The following TDRD3 variants were observed in gnomAD, a reference collection of about 807,000 sequenced individuals.
The protein encoded by TDRD3 is tudor domain containing 3.
In TDRD3, 45 loss-of-function variants were observed where a neutral mutation model predicts 86.7. That is an observed-to-expected ratio of 0.52 (90% CI 0.41 to 0.67). The LOEUF (loss-of-function observed/expected upper bound fraction) is 0.67, where lower values mean the gene tolerates loss of function less well. Among genes scored for constraint, TDRD3 ranks in the 30% least tolerant of loss-of-function variants. The pLI, the probability that TDRD3 is intolerant of heterozygous loss-of-function variation, is 0.00. For missense variants in TDRD3, 814 were observed against 889.0 expected (o/e 0.92, Z 1.07); for synonymous variants, 298 against 301.7 (o/e 0.99, Z 0.13).
At chr13:60,479,050 G>A (rs112649823) in intron 5 of TDRD3, among the ~76,000 whole-genome samples, 17,034 of 151,824 alleles carry the variant, frequency 0.11, 1,289 homozygotes, top group African/African-American at 0.21. Flanking sequence ...CAAGTGATCT[G>A]ACTGCCTTGG....
intron 1 of TDRD3, among the ~76,000 whole-genome samples, chr13:60,404,209 T>G (rs1425864682): frequency 6.6e-6 from 1 of 150,714 alleles, no homozygotes; most frequent in Non-Finnish European, 1.5e-5. Context: ...TTTCTTTAAA[T>G]ATTGTGTCTT....
intron 3 of TDRD3, among the ~76,000 whole-genome samples, chr13:60,457,086 C>T (rs1157192990): frequency 6.6e-6 from 1 of 152,072 alleles, no homozygotes; most frequent in East Asian, 1.9e-4. Flanking sequence ...TCCATTACTT[C>T]CCTATGTTTT....
At chr13:60,512,838 T>G (rs1388552788) in intron 10 of TDRD3, among the ~76,000 whole-genome samples, 1 of 152,140 alleles carries the variant, frequency 6.6e-6, no homozygotes, top group African/African-American at 2.4e-5. Context: ...GCGAGGAGTG[T>G]CTGTGGCTTT....
intron 10 of TDRD3, among the ~76,000 whole-genome samples, chr13:60,518,925 C>T (rs1381980034): frequency 6.6e-6 from 1 of 152,114 alleles, no homozygotes; most frequent in Non-Finnish European, 1.5e-5. Flanking sequence ...TCCTAATATA[C>T]TTTGCTGTGA....
At chr13:60,461,650 A>G (rs148223724) in intron 4 of TDRD3, among the ~76,000 whole-genome samples, 237 of 152,290 alleles carry the variant, frequency 1.6e-3, no homozygotes, top group African/African-American at 5.4e-3. Context: ...CAGCCCTTTA[A>G]TCCAGTGCTG....
chr13:60,465,271 T>C (rs1594967782), intron 4 of TDRD3, among the ~76,000 whole-genome samples: 1 of 152,262 alleles, frequency 6.6e-6, no homozygotes, highest in African/African-American at 2.4e-5. Context: ...CTGGTGTCCT[T>C]GGTGCTTATT....
At position 60,451,524 on chromosome 13, in the gene TDRD3, G is replaced by A. The variant is rs185996311; in HGVS notation, c.192+6776G>A. Among the ~76,000 whole-genome samples, 4 of 152,232 alleles carry A rather than the reference G, an allele frequency of 2.6e-5. No homozygotes were observed. The East Asian group carries it at 7.7e-4, about 29-fold the overall frequency. ...CGGTTGTGGTTGGCCATGGAAATTG[G>A]CACAAATTACAGATTACAGTGGCTT... On this transcript the variant is annotated intron_variant, in intron 3 of 13. Transcript: ENST00000377881.
chr13:60,439,492 G>T (rs1955203302), intron 1 of TDRD3, among the ~76,000 whole-genome samples, 196 bp from the exon 2 acceptor site: 2 of 151,986 alleles, frequency 1.3e-5, no homozygotes, highest in Admixed American at 1.3e-4. Flanking sequence ...CTCTTTAAGG[G>T]TACAAAAGAA....
At chr13:60,527,798 C>T (rs1957479272) in intron 10 of TDRD3, among the ~76,000 whole-genome samples, 1 of 151,608 alleles carries the variant, frequency 6.6e-6, no homozygotes, top group South Asian at 2.1e-4. Context: ...GAAAATTAAC[C>T]CTTTTGTATA....
intron 10 of TDRD3, among the ~76,000 whole-genome samples, chr13:60,524,604 T>C (rs998608626): frequency 2.6e-5 from 4 of 152,128 alleles, no homozygotes; most frequent in African/African-American, 9.7e-5. Flanking sequence ...ATGTGTTTAA[T>C]AGATGAGCTC....
At chr13:60,506,572 C>T (rs1486630492) in intron 8 of TDRD3, among the ~76,000 whole-genome samples, 1 of 152,106 alleles carries the variant, frequency 6.6e-6, no homozygotes, top group East Asian at 1.9e-4. Context: ...GCCTGGCTAA[C>T]ATGGTGAAAG....
intron 8 of TDRD3, among the ~76,000 whole-genome samples, chr13:60,498,183 A>C (rs556645803): frequency 6.6e-6 from 1 of 152,160 alleles, no homozygotes; most frequent in Non-Finnish European, 1.5e-5. Flanking sequence ...GGGAGGGTCC[A>C]GAAGATATAC....
At chr13:60,549,585 T>TGC (rs1958001469) in intron 12 of TDRD3, among the ~76,000 whole-genome samples, 1 of 151,988 alleles carries the variant, frequency 6.6e-6, no homozygotes, top group Non-Finnish European at 1.5e-5. Flanking sequence ...CGTGTGTGTG[T>TGC]GCACGTGTAT....
intron 1 of TDRD3, among the ~76,000 whole-genome samples, chr13:60,418,610 A>G (rs1257844165): frequency 4.6e-5 from 7 of 152,190 alleles, no homozygotes. Flanking sequence ...CAATTAATGT[A>G]CATTAAAATG....
chr13:60,404,362 G>A (rs1461503479), intron 1 of TDRD3, among the ~76,000 whole-genome samples: 2 of 147,960 alleles, frequency 1.4e-5, no homozygotes, highest in East Asian at 2.0e-4. Flanking sequence ...CCAGGCTGGA[G>A]TGCAGTGGCG....
intron 8 of TDRD3, chr13:60,509,499 CTAACA>C: frequency 2.6e-6 from 1 of 389,718 alleles, no homozygotes. Flanking sequence ...AGGCCATACT[CTAACA>C]TATCATAAAA....
intron 1 of TDRD3, among the ~76,000 whole-genome samples, chr13:60,435,855 G>A (rs117201090): frequency 0.05 from 7,518 of 149,648 alleles, 203 homozygotes; most frequent in Non-Finnish European, 0.058. Context: ...ACTGTTTTCC[G>A]TAGTGGTTGT....
chr13:60,483,914 G>T, intron 6 of TDRD3, 68 bp downstream of exon 6: 1 of 1,454,228 alleles, frequency 6.9e-7, no homozygotes. Context: ...CATTCAAGCT[G>T]TGTTTCATTA....
At chr13:60,494,349 C>T in intron 7 of TDRD3, 86 bp from the exon 8 acceptor site, 2 of 1,295,704 alleles carry the variant, frequency 1.5e-6, no homozygotes, top group Admixed American at 2.6e-5. Context: ...TTAATTACTT[C>T]AGTTGTTTTT....
Sources: gnomAD v4.1 joint callset for allele counts (sites outside exome capture counted in the v4.1 genomes callset) on GRCh38, gnomAD v4.1.1 for gene constraint, MANE v1.5 for transcripts, NCBI Gene and HGNC (gene_info 2026-07-23, HGNC 2026-07-21) for gene names.